Variants in ARHGAP18 observed in about 807,000 individuals in gnomAD.
ARHGAP18 encodes the protein Rho GTPase activating protein 18, also known as rho GTPase-activating protein 18.
A neutral mutation model predicts 86.2 loss-of-function variants in ARHGAP18; 67 were observed. That is an observed-to-expected ratio of 0.78 (90% confidence interval 0.64 to 0.95). The LOEUF is 0.95. Among genes scored for constraint, ARHGAP18 ranks in the 40% least tolerant of loss-of-function variants. ARHGAP18 has a pLI of 0.00. For synonymous variants in ARHGAP18, 283 were observed against 280.4 expected, an observed-to-expected ratio of 1.01 and a Z score of -0.09; for missense variants, 691 against 780.4, an observed-to-expected ratio of 0.89 and a Z score of 1.37.
chr6:129,671,698 A>C (rs1041322214), intron 1 of ARHGAP18, among the ~76,000 whole-genome samples: 2 of 151,978 alleles, frequency 1.3e-5, no homozygotes, highest in Admixed American at 1.3e-4. Context: ...ACAGAGTAAG[A>C]CTCTGTCTCT....
intron 5 of ARHGAP18, among the ~76,000 whole-genome samples, chr6:129,624,963 T>A (rs975775458): frequency 3.1e-5 from 4 of 129,820 alleles, no homozygotes; most frequent in East Asian, 2.0e-4. Context: ...TATATATATA[T>A]GATATATATT....
At position 129,599,242 on chromosome 6, in the gene ARHGAP18, C is replaced by T; in HGVS notation, c.1687G>A (p.Glu563Lys). The change falls in exon 12 of 15, where the codon GAA (glutamate) becomes AAA (lysine). Residue 563 changes from glutamate to lysine, a missense_variant. Coordinates refer to ENST00000368149, the MANE Select transcript of ARHGAP18 (RefSeq NM_033515.3). ...KKMAYDREKY[E>K]KQDKSTNDAD... is the part of the protein sequence containing the mutation. Reference sequence around the variant, plus strand: ...TCATTTGTACTCTTATCTTGCTTTTCATATTTTTCTCGGTCATAAGCCATT... The same window carrying T: ...TCATTTGTACTCTTATCTTGCTTTTTATATTTTTCTCGGTCATAAGCCATT... The T allele has an allele frequency of 6.3e-7, 1 of 1,583,702 alleles. No homozygotes were observed. Among genetic ancestry groups the T allele is most frequent in the Non-Finnish European group, 8.6e-7 (1 of 1,169,544 alleles).
chr6:129,631,046 T>A (rs1034656475), intron 4 of ARHGAP18, among the ~76,000 whole-genome samples: 16 of 152,234 alleles, frequency 1.1e-4, no homozygotes, highest in Non-Finnish European at 2.2e-4. Context: ...ATTAATTTTT[T>A]AAAGTATCAA....
chr6:129,590,803 G>A (rs781498411), intron 12 of ARHGAP18, among the ~76,000 whole-genome samples: 2 of 152,124 alleles, frequency 1.3e-5, no homozygotes, highest in Non-Finnish European at 2.9e-5. Flanking sequence ...GAGAGAGAGT[G>A]TGTGTGTGGT....
chr6:129,677,130 C>G (rs1774249577), intron 1 of ARHGAP18, among the ~76,000 whole-genome samples: 1 of 151,882 alleles, frequency 6.6e-6, no homozygotes, highest in South Asian at 2.1e-4. Context: ...CGGTGGCTCA[C>G]GCCTGTAATC....
Position 129,638,607 on chromosome 6 carries a change from C to T in ARHGAP18, c.339G>A (p.Trp113Ter). Reference sequence around the variant, plus strand: ...GATTGGATAAACCGGCCTCTTTAAGCCACTCTTCTTCCAATTCTCCCTCTA... The same window carrying T: ...GATTGGATAAACCGGCCTCTTTAAGTCACTCTTCTTCCAATTCTCCCTCTA... ...EPDEGELEEEWLKEAGLSNLF... is the reference protein window; with the variant it reads ...EPDEGELEEE Residue 113 changes from tryptophan (W) to a stop codon, truncating the protein, a stop_gained, in exon 3 of 15, where the codon TGG (tryptophan) becomes TGA (stop). Coordinates refer to ENST00000368149, the MANE Select transcript of ARHGAP18 (RefSeq NM_033515.3). LOFTEE classifies it high-confidence loss of function. 2 of 1,614,020 alleles carry T rather than the reference C, an allele frequency of 1.2e-6. No homozygotes were observed. The highest frequency in any genetic ancestry group is 1.7e-6 in the Non-Finnish European group (2 of 1,179,988).
chr6:129,660,662 T>C (rs923556591), intron 1 of ARHGAP18, among the ~76,000 whole-genome samples: 5 of 152,156 alleles, frequency 3.3e-5, no homozygotes, highest in Admixed American at 6.5e-5. Flanking sequence ...TCCAGATTTG[T>C]TGGATTCAAA....
Position 129,641,795 on chromosome 6 carries a change from CTTTA to C in ARHGAP18, c.316+17_316+20del, listed in dbSNP as rs1450916394. On this transcript the variant is annotated intron_variant, in intron 2 of 14. Coordinates refer to ENST00000368149, the MANE Select transcript of ARHGAP18 (RefSeq NM_033515.3). ...TAAATACATATACAAACAACAAAAG[CTTTA>C]TTTAGTTAGTTATTACCATCAGGCT... 2 of 1,594,940 alleles carry C rather than the reference CTTTA, an allele frequency of 1.3e-6. No homozygotes were observed. The highest frequency in any genetic ancestry group is 1.7e-6 in the Non-Finnish European group (2 of 1,165,670).
Position 129,607,888 on chromosome 6 carries a change from C to T in ARHGAP18, c.1282+5G>A. 6.3e-7 allele frequency: 1 copy of T among 1,591,410 alleles called. No individual in the cohort carries two copies. The highest frequency in any genetic ancestry group is 1.7e-4 in the Middle Eastern group (1 of 5,958). ...AGGACTGCTTCAAAGAGGGATAGCA[C>T]TTACTCTGGACAGCCTGAAAGGCTT... On this transcript the variant is annotated splice_donor_5th_base_variant and intron_variant, in intron 9 of 14. Transcript: ENST00000368149.
chr6:129,686,787 C>T (rs893635647), intron 1 of ARHGAP18, among the ~76,000 whole-genome samples: 5 of 136,422 alleles, frequency 3.7e-5, no homozygotes, highest in African/African-American at 1.3e-4. Context: ...CCTAATAAAA[C>T]CTTTTTTTTT....
intron 5 of ARHGAP18, among the ~76,000 whole-genome samples, chr6:129,624,989 T>TCA (rs1562695892): frequency 8.2e-5 from 9 of 109,788 alleles, no homozygotes; most frequent in East Asian, 4.4e-4. Context: ...ATAATATATA[T>TCA]TATATATGAT....
At position 129,578,990 on chromosome 6, in the gene ARHGAP18, A is replaced by T. The variant is rs375288738; in HGVS notation, c.1901-386T>A. 6.4e-4 allele frequency among the ~76,000 whole-genome samples: 97 copies of T among 152,182 alleles called. 2 individuals carry two copies. The South Asian group carries it at 0.015, about 24-fold the overall frequency. Reference sequence around the variant, plus strand: ...AAAACAAAACAAATAATAATAATAAAAAAAAAACTTCTCATTCTTTCCTGT... The same window carrying T: ...AAAACAAAACAAATAATAATAATAATAAAAAAACTTCTCATTCTTTCCTGT... On this transcript the variant is annotated intron_variant, in intron 14 of 14. Transcript: ENST00000368149.
At chr6:129,634,727 A>C (rs529196456) in intron 3 of ARHGAP18, among the ~76,000 whole-genome samples, 1 of 152,306 alleles carries the variant, frequency 6.6e-6, no homozygotes, top group Non-Finnish European at 1.5e-5. Flanking sequence ...AAATGTGCTA[A>C]AACTGATTGT....
chr6:129,680,157 A>G (rs941270581), intron 1 of ARHGAP18, among the ~76,000 whole-genome samples: 3 of 152,240 alleles, frequency 2.0e-5, no homozygotes, highest in African/African-American at 7.2e-5. Context: ...AAATAAGTTC[A>G]CATTCACAAC....
chr6:129,644,104 G>A (rs1402622534), intron 1 of ARHGAP18, among the ~76,000 whole-genome samples: 1 of 152,108 alleles, frequency 6.6e-6, no homozygotes, highest in East Asian at 1.9e-4. Context: ...GCGATGGGTG[G>A]GAATTAGGAC....
chr6:129,629,041 T>G (rs1011179601), intron 5 of ARHGAP18, among the ~76,000 whole-genome samples: 17 of 152,166 alleles, frequency 1.1e-4, no homozygotes, highest in African/African-American at 4.1e-4. Context: ...CATACTATTC[T>G]TTCAACTTTT....
At chr6:129,619,740 G>A (rs1789188532) in intron 5 of ARHGAP18, among the ~76,000 whole-genome samples, 4 of 151,330 alleles carry the variant, frequency 2.6e-5, no homozygotes. Context: ...GAACATGCCA[G>A]GTACCCTTCA....
chr6:129,709,609 C>G (rs1774867435), intron 1 of ARHGAP18, among the ~76,000 whole-genome samples: 1 of 151,890 alleles, frequency 6.6e-6, no homozygotes, highest in Admixed American at 6.5e-5. Context: ...TTGTACAGTA[C>G]AGTGAACAGC....
intron 1 of ARHGAP18, among the ~76,000 whole-genome samples, chr6:129,673,741 CA>C (rs1326600410): frequency 6.6e-6 from 1 of 152,150 alleles, no homozygotes; most frequent in Non-Finnish European, 1.5e-5. Flanking sequence ...AGACCACAGT[CA>C]AAAATCCAAA....
Sources: gnomAD v4.1 joint callset for allele counts (sites outside exome capture counted in the v4.1 genomes callset) on GRCh38, gnomAD v4.1.1 for gene constraint, MANE v1.5 for transcripts, NCBI Gene and HGNC (gene_info 2026-07-23, HGNC 2026-07-21) for gene names.